CADM2: variants seen among roughly 807,000 people sequenced by gnomAD.
CADM2 encodes immunoglobulin superfamily member 4D.
In CADM2, 12 loss-of-function variants were observed where a neutral mutation model predicts 49.8. The observed-to-expected ratio is 0.24, with a 90% CI of 0.15 to 0.39. The LOEUF (loss-of-function observed/expected upper bound fraction) is 0.39, where lower values mean the gene tolerates loss of function less well. Ranked by LOEUF, CADM2 falls within the 10% of genes least tolerant of loss-of-function variation. The pLI, the probability that CADM2 is intolerant of heterozygous loss-of-function variation, is 1.00. For synonymous variants in CADM2, 214 were observed against 175.4 expected, an observed-to-expected ratio of 1.22 and a Z score of -1.74; for missense variants, 378 against 492.3, an observed-to-expected ratio of 0.77 and a Z score of 2.20.
intron 1 of CADM2, among the ~76,000 whole-genome samples, chr3:85,394,385 T>C (rs913883081): frequency 6.6e-5 from 10 of 152,204 alleles, no homozygotes; most frequent in Admixed American, 5.2e-4. Context: ...TGAAAACTTA[T>C]GCATTATATT....
In CADM2 at chr3:85,359,662, A is replaced by ATTTT. The variant is rs71108279; in HGVS notation, c.62-366859_62-366858insTTTT. Among the ~76,000 whole-genome samples, 81 of 25,926 alleles carry ATTTT rather than the reference A, an allele frequency of 3.1e-3. 3 individuals are homozygous for ATTTT. The highest frequency in any genetic ancestry group is 5.0e-3 in the African/African-American group (42 of 8,404). The allele number at this position is 25,926 out of a possible 152,430, so 17.0% of individuals were successfully genotyped here. A position where few individuals can be genotyped will look rare whatever the true frequency, so the allele number is the denominator to read the frequency against. On this transcript the variant is annotated intron_variant, in intron 1 of 9. Transcript: ENST00000383699. ...CATATATATATATATATATATATAT[A>ATTTT]TATATTTTTTTTTTTGGTGGAGGGG...
At chr3:85,637,621 A>AAAT (rs58472713) in intron 1 of CADM2, among the ~76,000 whole-genome samples, 15 of 114,490 alleles carry the variant, frequency 1.3e-4, no homozygotes, top group African/African-American at 4.1e-4. Flanking sequence ...AAAAAAAAAA[A>AAAT]AAAATAAAAT....
chr3:85,474,182 A>T (rs892888320), intron 1 of CADM2, among the ~76,000 whole-genome samples: 3 of 151,352 alleles, frequency 2.0e-5, no homozygotes, highest in Non-Finnish European at 3.0e-5. Flanking sequence ...TGTTGTGTTT[A>T]TGTGTGTGTA....
intron 1 of CADM2, among the ~76,000 whole-genome samples, chr3:85,485,944 A>G (rs989346821): frequency 2.0e-5 from 3 of 152,098 alleles, no homozygotes; most frequent in Admixed American, 6.6e-5. Flanking sequence ...AGGATTTTAC[A>G]TTCAGTATAG....
At chr3:85,570,803 G>T (rs1027409765) in intron 1 of CADM2, among the ~76,000 whole-genome samples, 1 of 152,100 alleles carries the variant, frequency 6.6e-6, no homozygotes, top group Non-Finnish European at 1.5e-5. Context: ...GAGAGTAAAT[G>T]ATTACTTGGT....
At chr3:86,013,520 G>A in intron 8 of CADM2, 2 of 1,604,502 alleles carry the variant, frequency 1.2e-6, no homozygotes, top group Non-Finnish European at 1.7e-6. Context: ...CAGTTAACAC[G>A]TTGTTTTCTT....
At chr3:85,925,919 T>C (rs1282808018) in intron 6 of CADM2, among the ~76,000 whole-genome samples, 1 of 151,866 alleles carries the variant, frequency 6.6e-6, no homozygotes, top group Non-Finnish European at 1.5e-5. Context: ...GGGCAGATCA[T>C]GAGGTCAGGA....
At chr3:85,375,900 A>T (rs1836131) in intron 1 of CADM2, among the ~76,000 whole-genome samples, 141,248 of 152,142 alleles carry the variant, frequency 0.93, 65,837 homozygotes, top group Non-Finnish European at 0.97. Context: ...TTTGTGATTA[A>T]TCCCTTGTTA....
At chr3:85,232,654 A>G (rs1236778445) in intron 1 of CADM2, among the ~76,000 whole-genome samples, 1 of 152,150 alleles carries the variant, frequency 6.6e-6, no homozygotes, top group Non-Finnish European at 1.5e-5. Flanking sequence ...CTGATGGCGA[A>G]TAAACATGTG....
At chr3:84,966,889 T>A (rs2031039501) in intron 1 of CADM2, among the ~76,000 whole-genome samples, 1 of 152,030 alleles carries the variant, frequency 6.6e-6, no homozygotes, top group Admixed American at 6.6e-5. Context: ...AATACTGATG[T>A]CATTAGGCAT....
In CADM2 at chr3:85,076,303, T is replaced by TTGTGTGTGTGTGTGTGTG. The variant is rs71108205; in HGVS notation, c.61+116654_61+116671dup. On this transcript the variant is annotated intron_variant, in intron 1 of 9. Coordinates refer to ENST00000383699, the MANE Select transcript of CADM2 (RefSeq NM_001167675.2). ...TAACCACCAAACTATAAAAAAGAAA[T>TTGTGTGTGTGTGTGTGTG]TGTGTGTGTGTGTGTGTGTGTGTGT... 2.8e-3 allele frequency among the ~76,000 whole-genome samples: 391 copies of TTGTGTGTGTGTGTGTGTG among 139,340 alleles called. 2 individuals are homozygous for TTGTGTGTGTGTGTGTGTG. Among genetic ancestry groups the TTGTGTGTGTGTGTGTGTG allele is most frequent in the East Asian group, 0.012 (55 of 4,614 alleles). 91.4% of individuals were successfully genotyped at this position (139,340 alleles called of 152,430 possible).
chr3:85,700,846 T>G (rs2066730723), intron 1 of CADM2, among the ~76,000 whole-genome samples: 1 of 152,150 alleles, frequency 6.6e-6, no homozygotes, highest in South Asian at 2.1e-4. Flanking sequence ...TCCCTCATCT[T>G]CCTCTCTTCT....
intron 8 of CADM2, among the ~76,000 whole-genome samples, chr3:86,060,329 C>T (rs1738480150): frequency 6.6e-6 from 1 of 152,042 alleles, no homozygotes. Flanking sequence ...TGAAACCTTT[C>T]CCTAATAGTG....
chr3:85,041,352 G>C (rs1053742834), intron 1 of CADM2, among the ~76,000 whole-genome samples: 5 of 152,110 alleles, frequency 3.3e-5, no homozygotes, highest in Admixed American at 2.6e-4. Context: ...ACAGTGAACA[G>C]TTTGTTCTCC....
chr3:85,222,207 T>G (rs2042059519), intron 1 of CADM2, among the ~76,000 whole-genome samples: 1 of 152,180 alleles, frequency 6.6e-6, no homozygotes, highest in Non-Finnish European at 1.5e-5. Flanking sequence ...TATATCTGAT[T>G]ACAGGAACTA....
intron 2 of CADM2, among the ~76,000 whole-genome samples, chr3:85,769,625 A>G (rs1345761558): frequency 2.6e-5 from 3 of 116,994 alleles, no homozygotes; most frequent in East Asian, 3.0e-4. Context: ...CATATATAGT[A>G]TATATATACA....
intron 1 of CADM2, among the ~76,000 whole-genome samples, chr3:85,300,415 G>T (rs184994862): frequency 1.3e-5 from 2 of 152,078 alleles, no homozygotes; most frequent in African/African-American, 4.8e-5. Flanking sequence ...GCATTTTTAT[G>T]AGTTTTTACT....
At chr3:85,040,988 T>C (rs549873290) in intron 1 of CADM2, among the ~76,000 whole-genome samples, 2 of 152,340 alleles carry the variant, frequency 1.3e-5, no homozygotes, top group Admixed American at 1.3e-4. Flanking sequence ...CTTTGTCAAA[T>C]TGACAGTCAT....
At chr3:85,519,910 T>A (rs1168046642) in intron 1 of CADM2, among the ~76,000 whole-genome samples, 4 of 152,042 alleles carry the variant, frequency 2.6e-5, no homozygotes, top group African/African-American at 9.7e-5. Context: ...AGGAGATTGC[T>A]TGATGAGGAA....
Sources: gnomAD v4.1 joint callset for allele counts (sites outside exome capture counted in the v4.1 genomes callset) on GRCh38, gnomAD v4.1.1 for gene constraint, MANE v1.5 for transcripts, NCBI Gene and HGNC (gene_info 2026-07-23, HGNC 2026-07-21) for gene names.